Variants in NXPE2 observed in about 807,000 individuals in gnomAD.
NXPE2 encodes the protein neurexophilin and PC-esterase domain family member 2.
NXPE2 carries 34 observed loss-of-function variants against 34.4 expected under a neutral mutation model. That is an observed-to-expected ratio of 0.99 (90% confidence interval 0.75 to 1.31). The LOEUF (loss-of-function observed/expected upper bound fraction) is 1.31. Ranked by LOEUF, NXPE2 falls within the 40% of genes most tolerant of loss-of-function variation. The pLI, the probability that NXPE2 is intolerant of heterozygous loss-of-function variation, is 0.00. For synonymous variants in NXPE2, 235 were observed against 231.3 expected, an observed-to-expected ratio of 1.02 and a Z score of -0.15; for missense variants, 649 against 672.5, an observed-to-expected ratio of 0.97 and a Z score of 0.39.
At chr11:114,740,318 G>A in the NXPE2 span, among the ~76,000 whole-genome samples, 1 of 152,110 alleles carries the variant, frequency 6.6e-6, no homozygotes, top group Non-Finnish European at 1.5e-5. Context: ...TATAGTGTGT[G>A]TATCACATTT....
the NXPE2 span, among the ~76,000 whole-genome samples, chr11:114,672,074 G>A: frequency 1.3e-5 from 2 of 151,886 alleles, no homozygotes; most frequent in South Asian, 4.1e-4. Context: ...AGGAGGAGGT[G>A]CTACACACTT....
At chr11:114,658,405 G>T in the NXPE2 span, among the ~76,000 whole-genome samples, 1 of 152,276 alleles carries the variant, frequency 6.6e-6, no homozygotes, top group East Asian at 1.9e-4. Context: ...AAGGGAATTT[G>T]TTCCTACCTA....
At chr11:114,659,444 G>GA in the NXPE2 span, among the ~76,000 whole-genome samples, 2 of 148,394 alleles carry the variant, frequency 1.3e-5, no homozygotes, top group African/African-American at 4.9e-5. Flanking sequence ...AAAAAAAAGA[G>GA]AAAAAAAGAG....
the NXPE2 span, among the ~76,000 whole-genome samples, chr11:114,597,232 A>G: frequency 7.9e-5 from 12 of 152,204 alleles, no homozygotes; most frequent in Non-Finnish European, 2.9e-5. Context: ...ATAATAAAAA[A>G]TGTTTGATTA....
At chr11:114,678,723 T>C in intron 1 of NXPE2, 122 bp downstream of exon 1, 2 of 688,864 alleles carry the variant, frequency 2.9e-6, no homozygotes, top group Non-Finnish European at 2.5e-6. Context: ...AAAATCGTTT[T>C]ATTTGGGCAT....
At chr11:114,553,796 T>C in the NXPE2 span, 1 of 978,904 alleles carries the variant, frequency 1.0e-6, no homozygotes, top group Non-Finnish European at 1.2e-6. Context: ...TTTGCTGGCT[T>C]ATGAAAGCCT....
chr11:114,703,928 C>A, intron 3 of NXPE2, 63 bp from the exon 4 acceptor site: 1 of 1,180,406 alleles, frequency 8.5e-7, no homozygotes, highest in South Asian at 1.3e-5. Context: ...CCATCTAAAC[C>A]AGTGATTCCT....
the NXPE2 span, among the ~76,000 whole-genome samples, chr11:114,768,605 T>A: frequency 1.3e-5 from 2 of 152,218 alleles, no homozygotes; most frequent in Admixed American, 1.3e-4. Context: ...GGTGTGTGGT[T>A]CTCCTTGAAG....
chr11:114,715,087 A>G, the NXPE2 span, among the ~76,000 whole-genome samples: 1 of 152,234 alleles, frequency 6.6e-6, no homozygotes, highest in Non-Finnish European at 1.5e-5. Context: ...CCATGCTGAA[A>G]TCAATAACAC....
the NXPE2 span, among the ~76,000 whole-genome samples, chr11:114,720,488 C>T: frequency 6.6e-6 from 1 of 152,186 alleles, no homozygotes; most frequent in South Asian, 2.1e-4. Flanking sequence ...CAGGTTCATA[C>T]CTTAGAAAGC....
chr11:114,634,940 G>T, the NXPE2 span, among the ~76,000 whole-genome samples: 1 of 151,930 alleles, frequency 6.6e-6, no homozygotes, highest in Admixed American at 6.6e-5. Context: ...TGAACTTGGT[G>T]ATGAGGGCCC....
the NXPE2 span, among the ~76,000 whole-genome samples, chr11:114,806,906 G>T: frequency 6.6e-6 from 1 of 152,078 alleles, no homozygotes; most frequent in Non-Finnish European, 1.5e-5. Context: ...CACCAAAGTT[G>T]AAATGAAGGA....
the NXPE2 span, among the ~76,000 whole-genome samples, chr11:114,637,469 A>G: frequency 5.9e-5 from 9 of 151,618 alleles, no homozygotes; most frequent in African/African-American, 1.9e-4. Context: ...TTACATTTAA[A>G]GTTAATATTG....
chr11:114,583,078 A>G, the NXPE2 span: 1 of 1,523,162 alleles, frequency 6.6e-7, no homozygotes, highest in African/African-American at 1.4e-5. Flanking sequence ...ATCTGAACTG[A>G]AATGACAGGA....
the NXPE2 span, chr11:114,529,804 T>C: frequency 5.0e-6 from 1 of 199,074 alleles, no homozygotes; most frequent in African/African-American, 2.3e-5. Flanking sequence ...TGAACTTGAA[T>C]AGCAGCACTG....
At chr11:114,758,313 ATTATC>A in the NXPE2 span, among the ~76,000 whole-genome samples, 1 of 152,176 alleles carries the variant, frequency 6.6e-6, no homozygotes, top group African/African-American at 2.4e-5. Context: ...GCAATATTGT[ATTATC>A]TGGCCTAGCT....
the NXPE2 span, chr11:114,571,446 G>C: frequency 6.2e-7 from 1 of 1,609,464 alleles, no homozygotes; most frequent in Admixed American, 1.7e-5. Flanking sequence ...CAATTTTCCA[G>C]ATTCATGCAG....
the NXPE2 span, among the ~76,000 whole-genome samples, chr11:114,534,119 C>G: frequency 7.2e-5 from 11 of 152,322 alleles, no homozygotes; most frequent in African/African-American, 2.6e-4. Context: ...GCAGCATTTG[C>G]GGTTAACCAA....
At chr11:114,665,271 C>A in the NXPE2 span, among the ~76,000 whole-genome samples, 1 of 152,110 alleles carries the variant, frequency 6.6e-6, no homozygotes, top group African/African-American at 2.4e-5. Flanking sequence ...AGCTTTAAGT[C>A]ATTTGAAATG....
Sources: gnomAD v4.1 joint callset for allele counts (sites outside exome capture counted in the v4.1 genomes callset) on GRCh38, gnomAD v4.1.1 for gene constraint, MANE v1.5 for transcripts, NCBI Gene and HGNC (gene_info 2026-07-23, HGNC 2026-07-21) for gene names.